Variants in MSH4 observed in about 807,000 individuals in gnomAD.
The protein encoded by MSH4 is mutS homolog 4, also known as mutS protein homolog 4.
Under a neutral mutation model 113.7 loss-of-function variants are expected in MSH4, and 106 were observed. The ratio of observed to expected loss-of-function variants is 0.93; its 90% CI spans 0.80 to 1.10. The LOEUF is 1.10. Ranked by LOEUF, MSH4 falls within the 50% of genes least tolerant of loss-of-function variation. The pLI is 0.00. For missense variants in MSH4, 1,061 were observed against 1,093.7 expected, an observed-to-expected ratio of 0.97 and a Z score of 0.42; for synonymous variants, 368 against 380.2, an observed-to-expected ratio of 0.97 and a Z score of 0.37.
intron 7 of MSH4, among the ~76,000 whole-genome samples, chr1:75,840,983 G>A (rs949399773): frequency 8.5e-5 from 13 of 152,296 alleles, no homozygotes; most frequent in Admixed American, 3.3e-4. Context: ...TTAAAAGAAG[G>A]AGTAGGATTT....
At chr1:75,828,642 C>T (rs1431433772) in intron 7 of MSH4, among the ~76,000 whole-genome samples, 2 of 152,082 alleles carry the variant, frequency 1.3e-5, no homozygotes, top group Non-Finnish European at 2.9e-5. Context: ...GGAACAATAG[C>T]TATTGGGGAC....
chr1:75,816,416 G>A lies in MSH4; in HGVS notation c.859G>A (p.Glu287Lys). The change falls in exon 6 of 20, where the codon GAA (glutamate) becomes AAA (lysine). Residue 287 changes from glutamate to lysine, a missense_variant. Coordinates refer to ENST00000263187, the MANE Select transcript of MSH4 (RefSeq NM_002440.4). Reference sequence around the variant, plus strand: ...TGTTGCAGCTTTGTTAAAATATGTTGAATTTATTCAAAATTCAGTTTATGC... The same window carrying A: ...TGTTGCAGCTTTGTTAAAATATGTTAAATTTATTCAAAATTCAGTTTATGC... Reference protein sequence around the residue: ...AAVAALLKYVEFIQNSVYAPK... With the variant: ...AAVAALLKYVKFIQNSVYAPK... 1 of 1,607,782 alleles carries A rather than the reference G, an allele frequency of 6.2e-7. No homozygotes were observed. The highest frequency in any genetic ancestry group is 8.5e-7 in the Non-Finnish European group (1 of 1,176,304).
chr1:75,864,354 C>T (rs143069413), intron 8 of MSH4, among the ~76,000 whole-genome samples: 2 of 152,190 alleles, frequency 1.3e-5, no homozygotes, highest in Non-Finnish European at 2.9e-5. Flanking sequence ...TGTAATTGTA[C>T]ATATGTTTTT....
At position 75,803,930 on chromosome 1, in the gene MSH4, A is replaced by G; in HGVS notation, c.427+17A>G. 5 of 1,443,296 alleles carry G rather than the reference A, an allele frequency of 3.5e-6. No homozygotes were observed. Among genetic ancestry groups the G allele is most frequent in the Non-Finnish European group, 4.6e-6 (5 of 1,090,540 alleles). The allele number at this position is 1,443,296 out of a possible 1,614,324, so 89.4% of individuals were successfully genotyped here. On this transcript the variant is annotated intron_variant, in intron 2 of 19. Transcript: ENST00000263187. ...GATATTCAGGTAAAATAAGTGGAAGATTAACCTAGATGATGTTTTGAAACT... is the reference window on the plus strand; with the variant it reads ...GATATTCAGGTAAAATAAGTGGAAGGTTAACCTAGATGATGTTTTGAAACT...
At chr1:75,866,125 T>C (rs1651557867) in intron 8 of MSH4, among the ~76,000 whole-genome samples, 2 of 152,158 alleles carry the variant, frequency 1.3e-5, no homozygotes, top group African/African-American at 4.8e-5. Context: ...TTAGTTAGTC[T>C]TTCCATCTTC....
chr1:75,803,425 C>T (rs1379302978), intron 1 of MSH4, among the ~76,000 whole-genome samples: 2 of 151,810 alleles, frequency 1.3e-5, no homozygotes, highest in South Asian at 2.1e-4. Context: ...GAGACCAGCC[C>T]AGCCAACATG....
In MSH4 at chr1:75,815,081, A is replaced by G. The variant is rs376327385; in HGVS notation, c.760A>G (p.Ile254Val). 93 of 1,607,926 alleles carry G rather than the reference A, an allele frequency of 5.8e-5. No homozygotes were observed. Among genetic ancestry groups the G allele is most frequent in the East Asian group, 1.3e-4 (6 of 44,616 alleles). ...YFNETKGLEY[I>V]EQLCIAEFST... ...CAATGAAACAAAAGGATTAGAGTACATTGAACAGTTATGCATAGCAGAATT... is the reference window on the plus strand; with the variant it reads ...CAATGAAACAAAAGGATTAGAGTACGTTGAACAGTTATGCATAGCAGAATT... The change falls in exon 5 of 20, where the codon ATT (isoleucine) becomes GTT (valine). Residue 254 changes from isoleucine to valine, a missense_variant. Transcript: ENST00000263187.
Position 75,912,742 on chromosome 1 carries a change from A to T in MSH4, c.2666A>T (p.Tyr889Phe), listed in dbSNP as rs765492433. Residue 889 changes from tyrosine (Y) to phenylalanine (F), a missense_variant, in exon 20 of 20, where the codon TAC becomes TTC. Tyr to Phe is a conservative substitution (Grantham distance 22). Transcript: ENST00000263187. Reference protein sequence around the residue: ...TPEMERQRAVYHLATRLVQTA... With the variant: ...TPEMERQRAVFHLATRLVQTA... ...GAGATGGAAAGACAGAGAGCTGTGT[A>T]CCATCTAGCCACTAGGCTTGTTCAA... 2 of 1,584,808 alleles carry T rather than the reference A, an allele frequency of 1.3e-6. No homozygotes were observed. Among genetic ancestry groups the T allele is most frequent in the Admixed American group, 3.6e-5 (2 of 55,086 alleles).
At chr1:75,853,344 C>G (rs867573950) in intron 8 of MSH4, among the ~76,000 whole-genome samples, 1 of 152,220 alleles carries the variant, frequency 6.6e-6, no homozygotes, top group African/African-American at 2.4e-5. Context: ...GGGTTACAGG[C>G]GTGAACCACC....
chr1:75,902,676 TA>T (rs1652531304), intron 19 of MSH4, among the ~76,000 whole-genome samples: 1 of 748 alleles, frequency 1.3e-3, no homozygotes, highest in African/African-American at 8.6e-3. Context: ...TGTGTATGTA[TA>T]TATATATATA....
intron 14 of MSH4, among the ~76,000 whole-genome samples, chr1:75,883,021 T>C (rs1408531642): frequency 1.3e-4 from 20 of 152,062 alleles, no homozygotes; most frequent in Non-Finnish European, 1.5e-5. Flanking sequence ...TTATTTTTTT[T>C]TGAGACAGAG....
At chr1:75,865,782 A>G (rs1651550064) in intron 8 of MSH4, among the ~76,000 whole-genome samples, 1 of 152,222 alleles carries the variant, frequency 6.6e-6, no homozygotes. Flanking sequence ...AAGGCCATGA[A>G]GATATTCTTC....
chr1:75,839,187 A>G (rs77244403), intron 7 of MSH4, among the ~76,000 whole-genome samples: 11,552 of 151,982 alleles, frequency 0.076, 725 homozygotes, highest in East Asian at 0.27. Context: ...GATATCTATA[A>G]ATAAACATTT....
At chr1:75,871,195 G>A (rs1008867443) in intron 9 of MSH4, among the ~76,000 whole-genome samples, 3 of 152,178 alleles carry the variant, frequency 2.0e-5, no homozygotes, top group Admixed American at 6.5e-5. Flanking sequence ...CTTATAAAAC[G>A]ATCAGATCTG....
chr1:75,908,116 G>C (rs1022237924), intron 19 of MSH4, among the ~76,000 whole-genome samples: 3 of 142,450 alleles, frequency 2.1e-5, no homozygotes, highest in Non-Finnish European at 1.5e-5. Context: ...TTTCAAATCT[G>C]TTTGCCATTT....
intron 9 of MSH4, among the ~76,000 whole-genome samples, chr1:75,875,912 T>C (rs1303329012): frequency 6.6e-6 from 1 of 152,166 alleles, no homozygotes; most frequent in East Asian, 1.9e-4. Flanking sequence ...CAATCACAAA[T>C]TGTCCACCTA....
intron 16 of MSH4, 140 bp from the exon 17 acceptor site, chr1:75,890,556 A>G (rs1217235010): frequency 2.2e-6 from 1 of 461,046 alleles, no homozygotes; most frequent in Non-Finnish European, 3.8e-6. Context: ...AAAGAAAACT[A>G]TTATTTTCTG....
Position 75,836,287 on chromosome 1 carries a change from T to C in MSH4, c.1163-11922T>C, listed in dbSNP as rs369484756. ...CTTCTGGAAGCAGATTCTTTTTCTCTTTTTCTTTCTTTTTCTTTTTTTTTT... is the reference window on the plus strand; with the variant it reads ...CTTCTGGAAGCAGATTCTTTTTCTCCTTTTCTTTCTTTTTCTTTTTTTTTT... On this transcript the variant is annotated intron_variant, in intron 7 of 19. Transcript: ENST00000263187. Among the ~76,000 whole-genome samples the C allele has an allele frequency of 6.6e-5, 5 of 75,506 alleles. No individual in the cohort carries two copies. In the East Asian group the frequency reaches 2.1e-3, roughly 31 times the overall value. 49.5% of individuals were successfully genotyped at this position (75,506 alleles called of 152,430 possible). A position where few individuals can be genotyped will look rare whatever the true frequency, so the allele number is the denominator to read the frequency against.
At chr1:75,889,888 T>TCA (rs557848054) in intron 16 of MSH4, among the ~76,000 whole-genome samples, 1 of 152,108 alleles carries the variant, frequency 6.6e-6, no homozygotes, top group Non-Finnish European at 1.5e-5. Context: ...GAATTTAGGA[T>TCA]CACTGTTTAG....
Sources: gnomAD v4.1 joint callset for allele counts (sites outside exome capture counted in the v4.1 genomes callset) on GRCh38, gnomAD v4.1.1 for gene constraint, MANE v1.5 for transcripts, NCBI Gene and HGNC (gene_info 2026-07-23, HGNC 2026-07-21) for gene names.